BICC1: variants seen among roughly 807,000 people sequenced by gnomAD.
BICC1 encodes protein bicaudal C homolog 1.
Under a neutral mutation model 111.0 loss-of-function variants are expected in BICC1, and 43 were observed. The observed-to-expected ratio is 0.39, with a 90% CI of 0.30 to 0.50. The LOEUF is 0.50. BICC1 is among the 20% of genes least tolerant of loss of function. BICC1 has a pLI of 0.88. For synonymous variants in BICC1, 467 were observed against 434.4 expected, an observed-to-expected ratio of 1.07 and a Z score of -0.93; for missense variants, 1,091 against 1,203.2, an observed-to-expected ratio of 0.91 and a Z score of 1.38.
chr10:58,783,416 C>T (rs1163484289), intron 3 of BICC1, among the ~76,000 whole-genome samples: 1 of 151,702 alleles, frequency 6.6e-6, no homozygotes, highest in Non-Finnish European at 1.5e-5. Flanking sequence ...TGGCAATTGC[C>T]CAATTGCAAC....
Position 58,707,844 on chromosome 10 carries a change from C to A in BICC1, c.307+5701C>A, listed in dbSNP as rs375202065. ...CCCGAGTAGCTGGGATTACAAGGCA[C>A]CTGCCACCACGCCCGGCTAATTTTG... On this transcript the variant is annotated intron_variant, in intron 3 of 20. Coordinates refer to ENST00000373886, the MANE Select transcript of BICC1 (RefSeq NM_001080512.3). Among the ~76,000 whole-genome samples the A allele has an allele frequency of 4.6e-5, 7 of 152,138 alleles. No individual in the cohort carries two copies. In the East Asian group the frequency reaches 1.4e-3, roughly 30 times the overall value.
chr10:58,647,535 A>G (rs1232620425), intron 2 of BICC1, among the ~76,000 whole-genome samples: 7 of 152,188 alleles, frequency 4.6e-5, no homozygotes, highest in Non-Finnish European at 7.3e-5. Flanking sequence ...CATAGTGGTT[A>G]CAGTATCAAA....
chr10:58,611,941 A>G (rs1160604365), intron 1 of BICC1, among the ~76,000 whole-genome samples: 1 of 152,162 alleles, frequency 6.6e-6, no homozygotes, highest in Non-Finnish European at 1.5e-5. Context: ...GAGAAAAATT[A>G]TATTTATTTT....
chr10:58,560,769 A>AT (rs1843582246), intron 1 of BICC1, among the ~76,000 whole-genome samples: 4 of 151,584 alleles, frequency 2.6e-5, no homozygotes, highest in South Asian at 2.1e-4. Context: ...TAGTTTAATA[A>AT]TTTTTTTTGT....
chr10:58,688,653 G>A (rs918172158), intron 2 of BICC1, among the ~76,000 whole-genome samples: 2 of 152,126 alleles, frequency 1.3e-5, no homozygotes, highest in African/African-American at 2.4e-5. Context: ...ATGATTGACT[G>A]GATAAAGAAA....
intron 1 of BICC1, among the ~76,000 whole-genome samples, chr10:58,608,531 C>A (rs1845309180): frequency 6.6e-6 from 1 of 152,194 alleles, no homozygotes; most frequent in African/African-American, 2.4e-5. Context: ...ATAATCAGTT[C>A]AAAAGTCTCT....
intron 2 of BICC1, among the ~76,000 whole-genome samples, chr10:58,660,707 T>G (rs1017179798): frequency 1.2e-4 from 18 of 152,108 alleles, no homozygotes; most frequent in African/African-American, 4.3e-4. Flanking sequence ...CCTCCCTTCC[T>G]TGGCTACCAG....
chr10:58,698,530 C>T lies in BICC1; in HGVS notation c.238-3544C>T, dbSNP rs1285630960. Among the ~76,000 whole-genome samples, 5 of 152,162 alleles carry T rather than the reference C, an allele frequency of 3.3e-5. No homozygotes were observed. The East Asian group carries it at 9.6e-4, about 29-fold the overall frequency. On this transcript the variant is annotated intron_variant, in intron 2 of 20. Transcript: ENST00000373886. Reference sequence around the variant, plus strand: ...CGACCGGGTTAGGATCCCCTCTGTACATGCTCATATTGCACTGCCCCATTC... The same window carrying T: ...CGACCGGGTTAGGATCCCCTCTGTATATGCTCATATTGCACTGCCCCATTC...
At chr10:58,638,905 C>A (rs527979980) in intron 2 of BICC1, among the ~76,000 whole-genome samples, 1 of 150,096 alleles carries the variant, frequency 6.7e-6, no homozygotes, top group East Asian at 2.0e-4. Context: ...TTTTCTTTTC[C>A]TTTTTCTTCC....
At chr10:58,767,796 C>A (rs376727696) in intron 3 of BICC1, among the ~76,000 whole-genome samples, 2 of 152,062 alleles carry the variant, frequency 1.3e-5, no homozygotes, top group East Asian at 1.9e-4. Flanking sequence ...CAAACAACTT[C>A]TGAAGCTGAA....
intron 3 of BICC1, among the ~76,000 whole-genome samples, chr10:58,759,836 G>C (rs1842256020): frequency 1.3e-5 from 2 of 151,924 alleles, no homozygotes; most frequent in South Asian, 2.1e-4. Context: ...GTGGGCGCCT[G>C]TCGTCCCAGC....
chr10:58,673,443 C>T (rs1839241669), intron 2 of BICC1, among the ~76,000 whole-genome samples: 2 of 152,136 alleles, frequency 1.3e-5, no homozygotes, highest in African/African-American at 4.8e-5. Context: ...GCCTTTAGCC[C>T]TGTGCCTCCC....
intron 1 of BICC1, among the ~76,000 whole-genome samples, chr10:58,538,305 C>G (rs372534563): frequency 4.3e-5 from 2 of 46,210 alleles, no homozygotes; most frequent in African/African-American, 9.6e-5. Flanking sequence ...AATAGAGAAC[C>G]AAGAAATAAA....
At chr10:58,513,739 C>T (rs1446894144) in intron 1 of BICC1, among the ~76,000 whole-genome samples, 1 of 152,230 alleles carries the variant, frequency 6.6e-6, no homozygotes, top group Non-Finnish European at 1.5e-5. Flanking sequence ...CTGTCTCTCT[C>T]CGTCTGTTTC....
rs1454689099 is a variant in BICC1, at chr10:58,513,340, A to G, written c.190+7A>G. The G allele has an allele frequency of 1.2e-5, 20 of 1,600,420 alleles. No homozygotes were observed. Among genetic ancestry groups the G allele is most frequent in the Non-Finnish European group, 1.6e-5 (19 of 1,171,138 alleles). On this transcript the variant is annotated splice_region_variant and intron_variant, in intron 1 of 20. Transcript: ENST00000373886. ...CTTGAGGCCATGTTACAAGGTAGGC[A>G]TCCCTCGTGTTCTCGGACTCTCCGA...
At chr10:58,573,975 G>A (rs892972908) in intron 1 of BICC1, among the ~76,000 whole-genome samples, 11 of 152,076 alleles carry the variant, frequency 7.2e-5, no homozygotes, top group Non-Finnish European at 1.5e-4. Context: ...ATAATTTTTA[G>A]CATCCATTTT....
intron 20 of BICC1, among the ~76,000 whole-genome samples, chr10:58,826,697 T>G (rs1228915038): frequency 3.8e-5 from 5 of 133,246 alleles, no homozygotes; most frequent in Non-Finnish European, 8.3e-5. Context: ...AAGCGGAGCT[T>G]GCAGTGAGTG....
intron 6 of BICC1, 149 bp from the exon 7 acceptor site, chr10:58,789,113 A>C: frequency 3.1e-6 from 2 of 635,418 alleles, no homozygotes; most frequent in East Asian, 2.8e-5. Flanking sequence ...GGAAAAAAAA[A>C]AACTTTATAT....
At chr10:58,531,426 C>G (rs1357400870) in intron 1 of BICC1, among the ~76,000 whole-genome samples, 1 of 151,764 alleles carries the variant, frequency 6.6e-6, no homozygotes, top group South Asian at 2.1e-4. Context: ...TCTAGCTGGG[C>G]TGATTGGTGA....
Sources: allele counts gnomAD v4.1 joint callset (sites outside exome capture counted in the v4.1 genomes callset), GRCh38; gene constraint gnomAD v4.1.1; transcripts MANE v1.5; gene names NCBI Gene and HGNC (gene_info 2026-07-23, HGNC 2026-07-21).